EVL: variants seen among roughly 807,000 people sequenced by gnomAD.
EVL encodes ena/VASP-like protein.
A neutral mutation model predicts 59.6 loss-of-function variants in EVL; 21 were observed. That is an observed-to-expected ratio of 0.35 (90% CI 0.25 to 0.51). The LOEUF is 0.51. Among genes scored for constraint, EVL ranks in the 20% least tolerant of loss-of-function variants. The pLI is 0.97. For missense variants in EVL, 462 were observed against 546.6 expected (o/e 0.85, Z 1.54); for synonymous variants, 198 against 203.5 (o/e 0.97, Z 0.23).
intron 3 of EVL, among the ~76,000 whole-genome samples, chr14:100,123,294 TA>T (rs1479927385): frequency 2.0e-5 from 3 of 152,216 alleles, no homozygotes; most frequent in Non-Finnish European, 4.4e-5. Context: ...GGTTAATTTT[TA>T]ACCATGTGAA....
chr14:100,120,336 G>A (rs1251219570), intron 3 of EVL, among the ~76,000 whole-genome samples: 5 of 152,230 alleles, frequency 3.3e-5, no homozygotes, highest in Admixed American at 6.5e-5. Flanking sequence ...TGAACTAAGT[G>A]TCTGATGCGA....
intron 1 of EVL, among the ~76,000 whole-genome samples, chr14:100,003,273 G>T (rs193004664): frequency 1.3e-5 from 2 of 152,246 alleles, no homozygotes; most frequent in South Asian, 2.1e-4. Context: ...GGCTTTAATT[G>T]CTATCACTGT....
intron 13 of EVL, among the ~76,000 whole-genome samples, chr14:100,143,426 G>A (rs973211336): frequency 6.6e-6 from 1 of 152,172 alleles, no homozygotes; most frequent in Admixed American, 6.5e-5. Flanking sequence ...CTCAGCAGCA[G>A]TGAGGCCACA....
At position 100,135,934 on chromosome 14, in the gene EVL, G is replaced by T; in HGVS notation, c.930G>T (p.Gly310=). 6.2e-7 allele frequency: 1 copy of T among 1,613,842 alleles called. No homozygotes were observed. Among genetic ancestry groups the T allele is most frequent in the South Asian group, 1.1e-5 (1 of 91,082 alleles). Residue 310 remains glycine (G), a synonymous_variant, in exon 9 of 14, where the codon GGG becomes GGT. Coordinates refer to ENST00000392920, the MANE Select transcript of EVL (RefSeq NM_016337.3). ...MEDPSTSPSP[G]TRAASQPPNS... ...ATCCTAGTACCTCCCCCTCTCCGGG[G>T]ACCCGAGCAGCCAGCCAGCCACCTA...
intron 1 of EVL, among the ~76,000 whole-genome samples, chr14:99,990,389 T>C (rs1348465948): frequency 6.6e-6 from 1 of 152,218 alleles, no homozygotes; most frequent in African/African-American, 2.4e-5. Context: ...CATTTTTAAG[T>C]GTACAGTTCA....
intron 2 of EVL, among the ~76,000 whole-genome samples, chr14:100,087,090 C>T (rs1181355187): frequency 1.3e-5 from 2 of 152,164 alleles, no homozygotes; most frequent in Non-Finnish European, 2.9e-5. Context: ...ATGTTTAATG[C>T]TCTTTATGGT....
Position 100,143,846 on chromosome 14 carries a change from G to A in EVL, c.*108G>A. The A allele has an allele frequency of 7.3e-7, 1 of 1,365,670 alleles. No homozygotes were observed. The highest frequency in any genetic ancestry group is 1.0e-6 in the Non-Finnish European group (1 of 988,190). The allele number at this position is 1,365,670 out of a possible 1,614,324, so 84.6% of individuals were successfully genotyped here. A position where few individuals can be genotyped will look rare whatever the true frequency, so the allele number is the denominator to read the frequency against. Reference sequence around the variant, plus strand: ...TGCACCAGAGCACGCACAGGAGCCTGGGCGCGCTGCTGTGAAACGTCCTGA... The same window carrying A: ...TGCACCAGAGCACGCACAGGAGCCTAGGCGCGCTGCTGTGAAACGTCCTGA... On this transcript the variant is annotated 3_prime_UTR_variant, in exon 14 of 14. Coordinates refer to ENST00000392920, the MANE Select transcript of EVL (RefSeq NM_016337.3).
upstream of EVL, among the ~76,000 whole-genome samples, chr14:100,061,711 A>G (rs1432919470): frequency 6.6e-6 from 1 of 152,182 alleles, no homozygotes. Context: ...AGCCCTACCA[A>G]TAACATAAGC....
At chr14:100,098,634 G>A (rs1446152210) in intron 3 of EVL, among the ~76,000 whole-genome samples, 1 of 152,176 alleles carries the variant, frequency 6.6e-6, no homozygotes, top group African/African-American at 2.4e-5. Context: ...AGCTTTGGAG[G>A]GAGAAACAAG....
intron 4 of EVL, 35 bp from the exon 5 acceptor site, chr14:100,126,669 TGGA>T: frequency 6.2e-7 from 1 of 1,610,040 alleles, no homozygotes; most frequent in South Asian, 1.1e-5. Context: ...GTCTCCAGAG[TGGA>T]GGAGTCAGAC....
intron 1 of EVL, among the ~76,000 whole-genome samples, chr14:100,016,757 C>T (rs562078186): frequency 1.3e-5 from 2 of 152,322 alleles, no homozygotes; most frequent in Middle Eastern, 3.4e-3. Context: ...GGATTTCTAG[C>T]CTTTGAAGCA....
At chr14:99,973,801 T>C (rs2060751703) in intron 1 of EVL, among the ~76,000 whole-genome samples, 3 of 152,232 alleles carry the variant, frequency 2.0e-5, no homozygotes, top group Admixed American at 2.0e-4. Flanking sequence ...TGTTTTCCCT[T>C]TTACATTAAG....
intron 1 of EVL, among the ~76,000 whole-genome samples, chr14:100,055,629 G>A (rs2061716929): frequency 6.6e-6 from 1 of 152,104 alleles, no homozygotes; most frequent in Non-Finnish European, 1.5e-5. Flanking sequence ...ATATCTCATT[G>A]TTTTACCCTA....
chr14:100,009,350 T>C (rs1278993387), intron 1 of EVL, among the ~76,000 whole-genome samples: 3 of 152,228 alleles, frequency 2.0e-5, no homozygotes, highest in African/African-American at 7.2e-5. Context: ...GTCTTCCATC[T>C]TGCCTTGCCA....
chr14:99,975,707 G>A (rs1459525599), intron 1 of EVL, among the ~76,000 whole-genome samples: 2 of 145,886 alleles, frequency 1.4e-5, no homozygotes, highest in East Asian at 4.0e-4. Flanking sequence ...TCATCTGACA[G>A]GAGGCAGACT....
upstream of EVL, among the ~76,000 whole-genome samples, chr14:100,064,717 C>G (rs995831033): frequency 5.3e-5 from 8 of 152,182 alleles, no homozygotes; most frequent in African/African-American, 1.9e-4. Flanking sequence ...TCGTGACCAG[C>G]CTGACCAACA....
intron 1 of EVL, among the ~76,000 whole-genome samples, chr14:100,081,051 G>A (rs1595146020): frequency 6.6e-6 from 1 of 152,162 alleles, no homozygotes; most frequent in East Asian, 1.9e-4. Context: ...AGACCAAGAT[G>A]GGAGGATCAC....
chr14:100,032,494 C>A (rs972878910), intron 1 of EVL, among the ~76,000 whole-genome samples: 2 of 152,130 alleles, frequency 1.3e-5, no homozygotes, highest in Non-Finnish European at 2.9e-5. Flanking sequence ...TATCCCAGTA[C>A]TTTGTGGATA....
At chr14:100,090,741 T>G (rs1196902062) in intron 2 of EVL, among the ~76,000 whole-genome samples, 2 of 152,066 alleles carry the variant, frequency 1.3e-5, no homozygotes, top group African/African-American at 4.8e-5. Flanking sequence ...CTGAGGAAAC[T>G]AGGAATTAAA....
Sources: allele counts gnomAD v4.1 joint callset (sites outside exome capture counted in the v4.1 genomes callset), GRCh38; gene constraint gnomAD v4.1.1; transcripts MANE v1.5; gene names NCBI Gene and HGNC (gene_info 2026-07-23, HGNC 2026-07-21).